The following HMGXB4 variants were observed in gnomAD, a reference collection of about 807,000 sequenced individuals.
HMGXB4 encodes the protein HMG domain-containing protein 4.
A neutral mutation model predicts 63.9 loss-of-function variants in HMGXB4; 27 were observed. The observed-to-expected ratio is 0.42, with a 90% CI of 0.31 to 0.58. The LOEUF is 0.58. Ranked by LOEUF, HMGXB4 falls within the 20% of genes least tolerant of loss-of-function variation. The pLI, the probability that HMGXB4 is intolerant of heterozygous loss-of-function variation, is 0.13. For synonymous variants in HMGXB4, 264 were observed against 265.3 expected (o/e 0.99, Z 0.05); for missense variants, 624 against 700.7 (o/e 0.89, Z 1.24).
rs1158055316 is a variant in HMGXB4 at position 35,294,984 on chromosome 22, G to A, written c.*1333G>A. The stretch of plus-strand genomic sequence containing the variant: ...TAATGTCTAGAAAGTAAAATAAAGA[G>A]GAATGTTACCATCCCCAGCTGCCCT... On this transcript the variant is annotated 3_prime_UTR_variant, in exon 11 of 11. Coordinates refer to ENST00000216106, the MANE Select transcript of HMGXB4 (RefSeq NM_001003681.3). 6.6e-6 allele frequency: 1 copy of A among 152,210 alleles called. No homozygotes were observed. Among genetic ancestry groups the A allele is most frequent in the Non-Finnish European group, 1.5e-5 (1 of 68,028 alleles). 9.4% of individuals were successfully genotyped at this position (152,210 alleles called of 1,614,324 possible).
chr22:35,271,177 C>T (rs1459788944), intron 5 of HMGXB4, among the ~76,000 whole-genome samples: 2 of 151,742 alleles, frequency 1.3e-5, no homozygotes, highest in Non-Finnish European at 2.9e-5. Context: ...AGGAGTATTG[C>T]TTGAACCCAG....
At chr22:35,278,932 A>G (rs1924069584) in intron 5 of HMGXB4, among the ~76,000 whole-genome samples, 1 of 151,702 alleles carries the variant, frequency 6.6e-6, no homozygotes, top group Non-Finnish European at 1.5e-5. Context: ...TCGTAGTCTT[A>G]ACTACTCAGG....
chr22:35,253,144 A>AAAAAAAATG (rs11282400), upstream of HMGXB4, among the ~76,000 whole-genome samples: 2 of 125,316 alleles, frequency 1.6e-5, no homozygotes. Flanking sequence ...AAAAAAAAAA[A>AAAAAAAATG]AAAAAAGAAA....
chr22:35,281,060 ATATTAT>A (rs895212368), intron 5 of HMGXB4, among the ~76,000 whole-genome samples: 1 of 152,214 alleles, frequency 6.6e-6, no homozygotes, highest in Admixed American at 6.5e-5. Flanking sequence ...TACTCAGTAA[ATATTAT>A]TAATAAATGA....
At chr22:35,259,664 C>T (rs1313927665) in intron 1 of HMGXB4, among the ~76,000 whole-genome samples, 1 of 152,152 alleles carries the variant, frequency 6.6e-6, no homozygotes, top group Non-Finnish European at 1.5e-5. Flanking sequence ...TTTTAAAGAA[C>T]GTAGAAATTC....
At chr22:35,265,835 G>A (rs967339642) in intron 5 of HMGXB4, among the ~76,000 whole-genome samples, 2 of 150,082 alleles carry the variant, frequency 1.3e-5, no homozygotes, top group Admixed American at 1.3e-4. Context: ...CGCCCAGGCT[G>A]GAGTGCAGTG....
intron 1 of HMGXB4, chr22:35,262,099 C>G (rs1348717621): frequency 2.8e-6 from 1 of 359,202 alleles, no homozygotes. Flanking sequence ...TATACTTCCC[C>G]AAATGACAAC....
At chr22:35,289,346 C>T (rs1924792807) in intron 9 of HMGXB4, among the ~76,000 whole-genome samples, 1 of 152,054 alleles carries the variant, frequency 6.6e-6, no homozygotes, top group African/African-American at 2.4e-5. Flanking sequence ...GTAGTCCCAG[C>T]TACTCGGAAG....
chr22:35,251,902 T>TA, the HMGXB4 span, among the ~76,000 whole-genome samples: 11 of 152,210 alleles, frequency 7.2e-5, no homozygotes, highest in African/African-American at 2.6e-4. Flanking sequence ...TTTTGGTGGT[T>TA]AAAAAAACAC....
At chr22:35,261,087 T>C (rs553613415) in intron 1 of HMGXB4, among the ~76,000 whole-genome samples, 2 of 152,380 alleles carry the variant, frequency 1.3e-5, no homozygotes, top group African/African-American at 4.8e-5. Context: ...ATATTTAATA[T>C]GTAATTTTAA....
intron 5 of HMGXB4, among the ~76,000 whole-genome samples, chr22:35,270,163 G>A (rs1467945041): frequency 2.0e-5 from 3 of 152,100 alleles, no homozygotes; most frequent in Admixed American, 1.3e-4. Flanking sequence ...GTTGAGTGGC[G>A]GGCAAGCCAT....
chr22:35,255,233 C>T (rs183669047), upstream of HMGXB4, among the ~76,000 whole-genome samples: 27 of 152,058 alleles, frequency 1.8e-4, no homozygotes, highest in Admixed American at 4.6e-4. Flanking sequence ...CATGGTGGCT[C>T]ACATCTGTAA....
At chr22:35,273,590 C>G (rs1252145439) in intron 5 of HMGXB4, among the ~76,000 whole-genome samples, 1 of 152,176 alleles carries the variant, frequency 6.6e-6, no homozygotes, top group Non-Finnish European at 1.5e-5. Flanking sequence ...TTGAAAACAT[C>G]TTTTTAAAAT....
intron 3 of HMGXB4, 71 bp downstream of exon 3, chr22:35,263,297 T>TTG: frequency 7.5e-7 from 1 of 1,328,798 alleles, no homozygotes; most frequent in Admixed American, 2.3e-5. Flanking sequence ...AGAGTTTTTT[T>TTG]TTGTTTTTTT....
At chr22:35,263,707 C>T in intron 3 of HMGXB4, 89 bp from the exon 4 acceptor site, 1 of 900,802 alleles carries the variant, frequency 1.1e-6, no homozygotes, top group Non-Finnish European at 1.8e-6. Context: ...GCTTTGTTTC[C>T]CAAAATCAAA....
intron 5 of HMGXB4, among the ~76,000 whole-genome samples, chr22:35,268,169 G>A (rs997367510): frequency 2.0e-5 from 3 of 152,204 alleles, no homozygotes; most frequent in African/African-American, 7.2e-5. Flanking sequence ...ACACCTGTGT[G>A]ATCAAACCTC....
At chr22:35,283,347 C>A (rs1025595001) in intron 5 of HMGXB4, among the ~76,000 whole-genome samples, 1 of 152,170 alleles carries the variant, frequency 6.6e-6, no homozygotes, top group Admixed American at 6.5e-5. Flanking sequence ...GGTAAAGATT[C>A]TCTTAGCACT....
rs1924670296 is a variant in HMGXB4, at chr22:35,287,551, CTTGATTCCCAGGTA to C, written c.1468+102_1468+115del. The C allele has an allele frequency of 5.3e-6, 4 of 747,676 alleles. No individual in the cohort carries two copies. The South Asian group carries it at 6.4e-5, about 12-fold the overall frequency. The allele number at this position is 747,676 out of a possible 1,614,324, so 46.3% of individuals were successfully genotyped here. A position where few individuals can be genotyped will look rare whatever the true frequency, so the allele number is the denominator to read the frequency against. ...AAAGCTTGCAGTATTAGAAGTGGAC[CTTGATTCCCAGGTA>C]TTATTACCTGGGAATGTTACAAGCT... On this transcript the variant is annotated intron_variant, in intron 8 of 10. Coordinates refer to ENST00000216106, the MANE Select transcript of HMGXB4 (RefSeq NM_001003681.3).
At chr22:35,281,670 TAGTG>T (rs1924250676) in intron 5 of HMGXB4, among the ~76,000 whole-genome samples, 2 of 152,238 alleles carry the variant, frequency 1.3e-5, no homozygotes, top group Admixed American at 1.3e-4. Context: ...CAGTATTTAA[TAGTG>T]AGATTGATTG....
Sources: gnomAD v4.1 joint callset for allele counts (sites outside exome capture counted in the v4.1 genomes callset) on GRCh38, gnomAD v4.1.1 for gene constraint, MANE v1.5 for transcripts, NCBI Gene and HGNC (gene_info 2026-07-23, HGNC 2026-07-21) for gene names.